Variants in HS3ST1 observed in about 807,000 individuals in gnomAD.
HS3ST1 encodes the protein heparan sulfate glucosamine 3-O-sulfotransferase 1.
HS3ST1 carries 8 observed loss-of-function variants against 20.7 expected under a neutral mutation model. The observed-to-expected ratio is 0.39, with a 90% CI of 0.23 to 0.70. The LOEUF (loss-of-function observed/expected upper bound fraction) is 0.70, where lower values mean the gene tolerates loss of function less well. Ranked by LOEUF, HS3ST1 falls within the 30% of genes least tolerant of loss-of-function variation. The pLI is 0.46. For synonymous variants in HS3ST1, 205 were observed against 190.4 expected, an observed-to-expected ratio of 1.08 and a Z score of -0.63; for missense variants, 436 against 423.4, an observed-to-expected ratio of 1.03 and a Z score of -0.26.
intron 1 of HS3ST1, among the ~76,000 whole-genome samples, chr4:11,426,372 C>G (rs530061356): frequency 2.0e-5 from 3 of 151,342 alleles, no homozygotes; most frequent in Non-Finnish European, 4.4e-5. Flanking sequence ...GGCCCCCCCC[C>G]CAACCCTCAC....
chr4:11,404,318 T>G (rs1186292018), intron 1 of HS3ST1, among the ~76,000 whole-genome samples: 2 of 152,184 alleles, frequency 1.3e-5, no homozygotes, highest in Admixed American at 1.3e-4. Flanking sequence ...CCAAAGTGCT[T>G]GGATTCCAGG....
chr4:11,400,331 A>C (rs544349610), intron 1 of HS3ST1, among the ~76,000 whole-genome samples: 1 of 152,302 alleles, frequency 6.6e-6, no homozygotes, highest in Admixed American at 6.5e-5. Context: ...TCCAACTCCA[A>C]CCGTGCTATT....
At chr4:11,412,128 G>A (rs542046690) in intron 1 of HS3ST1, among the ~76,000 whole-genome samples, 4 of 152,076 alleles carry the variant, frequency 2.6e-5, no homozygotes, top group East Asian at 1.9e-4. Flanking sequence ...TCAATAATTC[G>A]GACACATAAG....
At chr4:11,405,435 G>A (rs745453649) in intron 1 of HS3ST1, among the ~76,000 whole-genome samples, 1 of 152,148 alleles carries the variant, frequency 6.6e-6, no homozygotes, top group Non-Finnish European at 1.5e-5. Flanking sequence ...CTTGCACTTG[G>A]AATTAAATCT....
intron 1 of HS3ST1, among the ~76,000 whole-genome samples, chr4:11,405,894 C>T (rs1371174813): frequency 6.6e-6 from 1 of 152,160 alleles, no homozygotes; most frequent in Non-Finnish European, 1.5e-5. Flanking sequence ...TCTCTCAGTC[C>T]CACTACTGGA....
chr4:11,415,345 A>G (rs1718747467), intron 1 of HS3ST1, among the ~76,000 whole-genome samples: 1 of 152,218 alleles, frequency 6.6e-6, no homozygotes. Flanking sequence ...TCTTGAAGAA[A>G]GGGACCAGTG....
At chr4:11,400,174 A>G (rs1341485367) in intron 1 of HS3ST1, 61 bp from the exon 2 acceptor site, 51 of 1,335,762 alleles carry the variant, frequency 3.8e-5, no homozygotes, top group African/African-American at 8.9e-5. Flanking sequence ...TCAACTAACA[A>G]CTCTGTAGCC....
intron 1 of HS3ST1, among the ~76,000 whole-genome samples, chr4:11,422,087 G>A (rs916309640): frequency 3.9e-5 from 6 of 152,228 alleles, no homozygotes; most frequent in African/African-American, 1.4e-4. Flanking sequence ...ATTCAGCAAA[G>A]CGCTTGTATT....
intron 1 of HS3ST1, among the ~76,000 whole-genome samples, chr4:11,420,313 C>T (rs1718898845): frequency 6.6e-6 from 1 of 152,228 alleles, no homozygotes; most frequent in Non-Finnish European, 1.5e-5. Context: ...TCACAGCCCT[C>T]CTCAGAACGT....
Position 11,394,527 on chromosome 4 carries a change from T to TTAGGAGC in HS3ST1, c.*4548_*4554dup, listed in dbSNP as rs1195329339. The TTAGGAGC allele has an allele frequency of 2.0e-5, 3 of 152,336 alleles. No homozygotes were observed. Among genetic ancestry groups the TTAGGAGC allele is most frequent in the African/African-American group, 7.2e-5 (3 of 41,546 alleles). The allele number at this position is 152,336 out of a possible 1,614,324, so 9.4% of individuals were successfully genotyped here. A position where few individuals can be genotyped will look rare whatever the true frequency, so the allele number is the denominator to read the frequency against. ...GTCTTCCGAAATGAGCTGCTGCCGG[T>TTAGGAGC]TAGGAGCATGTTTTATCACGTCCCT... is the stretch of plus-strand genomic sequence containing the variant. On this transcript the variant is annotated 3_prime_UTR_variant, in exon 2 of 2. Transcript: ENST00000002596.
rs541879436 is a variant in HS3ST1, at chr4:11,421,954, C to G, written c.-109+6745G>C. On this transcript the variant is annotated intron_variant, in intron 1 of 1. Coordinates refer to ENST00000002596, the MANE Select transcript of HS3ST1 (RefSeq NM_005114.4). ...AGATGGTGAGAGCTCCCCTGCAGTC[C>G]TCGCAGGACTGGGTACGAGAGATAA... Among the ~76,000 whole-genome samples the G allele has an allele frequency of 7.9e-5, 12 of 152,310 alleles. No individual in the cohort carries two copies. In the East Asian group the frequency reaches 2.3e-3, roughly 29 times the overall value.
chr4:11,426,812 A>C (rs532821115), intron 1 of HS3ST1, among the ~76,000 whole-genome samples: 3 of 152,264 alleles, frequency 2.0e-5, no homozygotes, highest in Non-Finnish European at 4.4e-5. Flanking sequence ...TTCTCTGCTT[A>C]GCGCTGGAGA....
intron 1 of HS3ST1, among the ~76,000 whole-genome samples, chr4:11,401,210 G>A (rs1718314476): frequency 6.6e-6 from 1 of 152,120 alleles, no homozygotes; most frequent in African/African-American, 2.4e-5. Flanking sequence ...GGATAAACAA[G>A]TGAAATTACT....
chr4:11,422,670 T>G (rs112740924), intron 1 of HS3ST1, among the ~76,000 whole-genome samples: 6 of 152,186 alleles, frequency 3.9e-5, no homozygotes, highest in African/African-American at 1.2e-4. Context: ...AGGGGCAGAT[T>G]TGGGAGAAGG....
intron 1 of HS3ST1, among the ~76,000 whole-genome samples, chr4:11,403,944 A>G (rs947028548): frequency 6.6e-6 from 1 of 152,264 alleles, no homozygotes; most frequent in African/African-American, 2.4e-5. Context: ...ACTGTCCAAT[A>G]TAAATATATT....
At chr4:11,426,694 T>C (rs1471604227) in intron 1 of HS3ST1, among the ~76,000 whole-genome samples, 2 of 152,228 alleles carry the variant, frequency 1.3e-5, no homozygotes, top group Non-Finnish European at 2.9e-5. Context: ...AATTAACTGC[T>C]TCCACTTAAG....
rs540265633 is a variant in HS3ST1, at chr4:11,423,059, G to A, written c.-109+5640C>T. Among the ~76,000 whole-genome samples the A allele has an allele frequency of 3.8e-3, 504 of 132,202 alleles. 9 individuals carry two copies. Among genetic ancestry groups the A allele is most frequent in the African/African-American group, 0.014 (490 of 36,188 alleles). The allele number at this position is 132,202 out of a possible 152,430, so 86.7% of individuals were successfully genotyped here. A position where few individuals can be genotyped will look rare whatever the true frequency, so the allele number is the denominator to read the frequency against. On this transcript the variant is annotated intron_variant, in intron 1 of 1. Coordinates refer to ENST00000002596, the MANE Select transcript of HS3ST1 (RefSeq NM_005114.4). ...AAAAAAAAAAAAAAAAGTGCTGAAC[G>A]TCAGAGTTCTGAGTATGAAAACTCA...
chr4:11,414,721 G>A (rs1396769995), intron 1 of HS3ST1, among the ~76,000 whole-genome samples: 1 of 152,132 alleles, frequency 6.6e-6, no homozygotes, highest in Non-Finnish European at 1.5e-5. Flanking sequence ...AATAAGCTTT[G>A]GAAATTGTGT....
At chr4:11,407,526 T>C (rs1229300647) in intron 1 of HS3ST1, among the ~76,000 whole-genome samples, 4 of 152,196 alleles carry the variant, frequency 2.6e-5, no homozygotes, top group Non-Finnish European at 5.9e-5. Flanking sequence ...CTTGGTGTTA[T>C]TTGTGAGCCT....
Sources: allele counts gnomAD v4.1 joint callset (sites outside exome capture counted in the v4.1 genomes callset), GRCh38; gene constraint gnomAD v4.1.1; transcripts MANE v1.5; gene names NCBI Gene and HGNC (gene_info 2026-07-23, HGNC 2026-07-21).